The following FAAH2 variants were observed in gnomAD, a reference collection of about 807,000 sequenced individuals.
The protein encoded by FAAH2 is fatty-acid amide hydrolase 2.
In FAAH2, 60 loss-of-function variants were observed where a neutral mutation model predicts 36.9. The observed-to-expected ratio is 1.63, with a 90% CI of 1.32 to 2.02. FAAH2 has a LOEUF of 2.02. Ranked by LOEUF, FAAH2 falls within the 30% of genes most tolerant of loss-of-function variation. The pLI, the probability that FAAH2 is intolerant of heterozygous loss-of-function variation, is 0.00. For synonymous variants in FAAH2, 214 were observed against 143.8 expected (o/e 1.49, Z -3.49); for missense variants, 689 against 397.5 (o/e 1.73, Z -6.23).
chrX:57,438,683 G>A (rs1024159394), intron 8 of FAAH2, among the ~76,000 whole-genome samples: 1 of 109,264 alleles, frequency 9.2e-6, no homozygotes, highest in Non-Finnish European at 1.9e-5. Context: ...CATGTGCCAT[G>A]TTGGTGTGCT....
intron 6 of FAAH2, among the ~76,000 whole-genome samples, chrX:57,380,680 T>G (rs1276659189): frequency 8.9e-6 from 1 of 112,298 alleles, no homozygotes; most frequent in Non-Finnish European, 1.9e-5. Context: ...CCAAAACATT[T>G]TGACTTGTCA....
At chrX:57,406,749 C>A (rs887940472) in intron 7 of FAAH2, among the ~76,000 whole-genome samples, 1 of 112,740 alleles carries the variant, frequency 8.9e-6, no homozygotes, top group Non-Finnish European at 1.9e-5. Context: ...GGTCTGCACT[C>A]TGTGGCAGGG....
rs2057526274 is a variant in FAAH2, at chrX:57,489,066, C to T, written c.*134C>T. On this transcript the variant is annotated 3_prime_UTR_variant, in exon 11 of 11. Transcript: ENST00000374900. ...GAATTTATTGACTCATTTAGTTATT[C>T]TTTCTACTTTTATTTCCTTCTCTAA... 1.5e-6 allele frequency: 1 copy of T among 649,621 alleles called. No individual in the cohort carries two copies. The highest frequency in any genetic ancestry group is 4.8e-5 in the Admixed American group (1 of 20,701). 53.5% of individuals were successfully genotyped at this position (649,621 alleles called of 1,213,427 possible).
intron 10 of FAAH2, among the ~76,000 whole-genome samples, chrX:57,478,876 T>C (rs918701286): frequency 7.6e-4 from 85 of 111,788 alleles, no homozygotes; most frequent in Non-Finnish European, 2.8e-4. Context: ...TACCATGCTG[T>C]TTTGGTTACT....
the FAAH2 span, among the ~76,000 whole-genome samples, chrX:57,211,446 T>A: frequency 2.7e-5 from 3 of 111,737 alleles, no homozygotes; most frequent in African/African-American, 9.8e-5. Context: ...AGCTTTGCCC[T>A]TCCTCCTTCT....
chrX:57,437,960 T>A (rs1234681229), intron 8 of FAAH2, among the ~76,000 whole-genome samples: 1 of 103,751 alleles, frequency 9.6e-6, no homozygotes, highest in Non-Finnish European at 2.0e-5. Context: ...TACACATATA[T>A]ACATACGTAT....
the FAAH2 span, among the ~76,000 whole-genome samples, chrX:57,244,260 C>T: frequency 0.078 from 8,564 of 110,157 alleles, 852 homozygotes; most frequent in African/African-American, 0.27. Context: ...AAGACCAAAC[C>T]TATGTTTGAT....
the FAAH2 span, chrX:57,136,146 A>G: frequency 8.3e-7 from 1 of 1,209,941 alleles, no homozygotes; most frequent in Non-Finnish European, 1.1e-6. Context: ...TTGAGCTAAG[A>G]CCATCCCCCT....
rs1485140807 is a variant in FAAH2, at chrX:57,286,944, C to T, written c.119C>T (p.Thr40Ile). 1.7e-6 allele frequency: 2 copies of T among 1,204,385 alleles called. No homozygotes were observed. The highest frequency in any genetic ancestry group is 3.0e-5 in the East Asian group (1 of 33,452). ...VLGGPKFASK[T>I]PRPVTEPLLL... ...GGGGGTCCAAAGTTTGCCTCAAAGA[C>T]CCCTCGGCCGGTGACTGAACCATTG... The change falls in exon 1 of 11, where the codon ACC (threonine) becomes ATC (isoleucine). Residue 40 changes from threonine (T) to isoleucine (I), a missense_variant. Physicochemically the swap from Thr to Ile is moderately conservative, Grantham distance 89. Coordinates refer to ENST00000374900, the MANE Select transcript of FAAH2 (RefSeq NM_174912.4).
chrX:57,442,382 T>G (rs1306167157), intron 8 of FAAH2, among the ~76,000 whole-genome samples: 2 of 111,871 alleles, frequency 1.8e-5, no homozygotes, highest in Non-Finnish European at 3.8e-5. Context: ...TTTGTCTCTT[T>G]TGATCTTTGT....
the FAAH2 span, among the ~76,000 whole-genome samples, chrX:57,194,785 C>T: frequency 1.8e-5 from 2 of 111,068 alleles, no homozygotes; most frequent in African/African-American, 3.3e-5. Context: ...CATTCTTATG[C>T]TGTTGAGTCC....
the FAAH2 span, among the ~76,000 whole-genome samples, chrX:57,167,763 A>G: frequency 1.8e-5 from 2 of 111,152 alleles, no homozygotes; most frequent in African/African-American, 3.3e-5. Context: ...TCTCTAGCAG[A>G]AAAAAAATAT....
chrX:57,264,077 C>A, the FAAH2 span, among the ~76,000 whole-genome samples: 1 of 111,550 alleles, frequency 9.0e-6, no homozygotes, highest in African/African-American at 3.2e-5. Context: ...GAAATTAATG[C>A]AAACTGGATT....
intron 5 of FAAH2, among the ~76,000 whole-genome samples, chrX:57,359,323 T>C (rs1196502040): frequency 9.0e-6 from 1 of 111,569 alleles, no homozygotes; most frequent in African/African-American, 3.3e-5. Context: ...TGTTTAGGTA[T>C]GTTGTAATTT....
At chrX:57,454,800 G>T (rs2056839663) in intron 10 of FAAH2, among the ~76,000 whole-genome samples, 1 of 111,628 alleles carries the variant, frequency 9.0e-6, no homozygotes, top group South Asian at 3.7e-4. Flanking sequence ...AGAAATATGG[G>T]ATTATGTAAA....
chrX:57,484,053 C>T (rs996001816), intron 10 of FAAH2, among the ~76,000 whole-genome samples: 3 of 110,203 alleles, frequency 2.7e-5, no homozygotes, highest in Non-Finnish European at 5.7e-5. Context: ...GATCCACCCG[C>T]CTCGGCCTCC....
rs187715908 is a variant in FAAH2 at position 57,323,020 on chromosome X, T to C, written c.413-8578T>C. On this transcript the variant is annotated intron_variant, in intron 3 of 10. Transcript: ENST00000374900. ...CACAACAGGCCCCAGTGTGTGATGT[T>C]CCCCTTCCTGTGTCCATGTGTTCTC... Among the ~76,000 whole-genome samples, 22 of 110,549 alleles carry C rather than the reference T, an allele frequency of 2.0e-4. 1 individual carries two copies. In the East Asian group the frequency reaches 5.1e-3, roughly 26 times the overall value.
intron 7 of FAAH2, among the ~76,000 whole-genome samples, chrX:57,424,851 A>T (rs966394375): frequency 7.1e-5 from 8 of 112,257 alleles, no homozygotes; most frequent in African/African-American, 2.3e-4. Context: ...TTCCCAAACA[A>T]GCACACCAAC....
intron 7 of FAAH2, among the ~76,000 whole-genome samples, chrX:57,425,173 C>CA (rs893384863): frequency 8.1e-5 from 9 of 110,581 alleles, no homozygotes; most frequent in African/African-American, 1.6e-4. Context: ...TCCACTCTGA[C>CA]AAAAAAAGAA....
Sources: allele counts gnomAD v4.1 joint callset (sites outside exome capture counted in the v4.1 genomes callset), GRCh38; gene constraint gnomAD v4.1.1; transcripts MANE v1.5; gene names NCBI Gene and HGNC (gene_info 2026-07-23, HGNC 2026-07-21).